Variants in CHCHD6 observed in about 807,000 individuals in gnomAD.
The protein encoded by CHCHD6 is MICOS complex subunit MIC25.
In CHCHD6, 28 loss-of-function variants were observed where a neutral mutation model predicts 32.3. That is an observed-to-expected ratio of 0.87 (90% CI 0.64 to 1.19). The LOEUF (loss-of-function observed/expected upper bound fraction) is 1.19. CHCHD6 is among the 50% of genes most tolerant of loss of function. CHCHD6 has a pLI of 0.00. For missense variants in CHCHD6, 333 were observed against 307.0 expected (o/e 1.08, Z -0.63); for synonymous variants, 122 against 117.5 (o/e 1.04, Z -0.25).
chr3:126,959,406 T>G (rs952716673), intron 7 of CHCHD6, among the ~76,000 whole-genome samples: 3 of 152,242 alleles, frequency 2.0e-5, no homozygotes, highest in Middle Eastern at 3.2e-3. Flanking sequence ...CCCAGGCACT[T>G]GGGTGGTGCC....
intron 1 of CHCHD6, among the ~76,000 whole-genome samples, chr3:126,711,841 T>TA (rs1264119320): frequency 6.6e-6 from 1 of 152,200 alleles, no homozygotes; most frequent in East Asian, 1.9e-4. Flanking sequence ...TCTGCTGCTT[T>TA]TCAATGAACA....
chr3:126,815,833 T>C (rs2107533776), intron 4 of CHCHD6, among the ~76,000 whole-genome samples: 1 of 152,308 alleles, frequency 6.6e-6, no homozygotes, highest in African/African-American at 2.4e-5. Flanking sequence ...TAGCTGTGCC[T>C]CTGCTGGCCT....
At chr3:126,854,940 G>A (rs1463478521) in intron 5 of CHCHD6, 1 of 152,224 alleles carries the variant, frequency 6.6e-6, no homozygotes, top group Non-Finnish European at 1.5e-5. Context: ...TACCTGTTGA[G>A]ACTGGCAGGT....
At chr3:126,915,678 G>T (rs948782208) in intron 6 of CHCHD6, among the ~76,000 whole-genome samples, 1 of 152,236 alleles carries the variant, frequency 6.6e-6, no homozygotes, top group Non-Finnish European at 1.5e-5. Flanking sequence ...TTGCATGATA[G>T]TTGTAAAAAC....
intron 6 of CHCHD6, among the ~76,000 whole-genome samples, chr3:126,935,824 A>G (rs761365761): frequency 2.0e-5 from 3 of 152,272 alleles, no homozygotes; most frequent in African/African-American, 7.2e-5. Flanking sequence ...AGCATAGCAA[A>G]TCTCTAACAT....
chr3:126,863,950 A>ACCTCCTCCTCCACCATCACCACCT (rs1942111196), intron 5 of CHCHD6, among the ~76,000 whole-genome samples: 2 of 86,840 alleles, frequency 2.3e-5, no homozygotes, highest in African/African-American at 4.8e-5. Context: ...CACCATCACC[A>ACCTCCTCCTCCACCATCACCACCT]CCTCCTCCTC....
At chr3:126,875,534 G>C (rs887401161) in intron 5 of CHCHD6, among the ~76,000 whole-genome samples, 1 of 152,242 alleles carries the variant, frequency 6.6e-6, no homozygotes, top group Non-Finnish European at 1.5e-5. Flanking sequence ...CAGGGGCAGA[G>C]GGGAAAGAGC....
Position 126,848,327 on chromosome 3 carries a change from TA to T in CHCHD6, c.412-4319del, listed in dbSNP as rs1161050403. Among the ~76,000 whole-genome samples, 9 of 152,338 alleles carry T rather than the reference TA, an allele frequency of 5.9e-5. No individual in the cohort carries two copies. The East Asian group carries it at 1.7e-3, about 29-fold the overall frequency. Reference sequence around the variant, plus strand: ...GTTGTTCTCAGCTTAGAGTTTGTCTTATCCATTTCATTTTTTATTTTGTAGA... The same window carrying T: ...GTTGTTCTCAGCTTAGAGTTTGTCTTTCCATTTCATTTTTTATTTTGTAGA... On this transcript the variant is annotated intron_variant, in intron 4 of 7. Transcript: ENST00000290913.
At chr3:126,861,626 C>T (rs950949807) in intron 5 of CHCHD6, among the ~76,000 whole-genome samples, 4 of 151,194 alleles carry the variant, frequency 2.6e-5, no homozygotes, top group East Asian at 2.0e-4. Context: ...TCCACCATCA[C>T]CTCCTCCTCT....
intron 6 of CHCHD6, among the ~76,000 whole-genome samples, chr3:126,929,503 A>T (rs146534535): frequency 1.3e-5 from 2 of 152,242 alleles, no homozygotes; most frequent in Non-Finnish European, 2.9e-5. Context: ...TCATTCTGGT[A>T]GATTCAGTTC....
chr3:126,790,751 C>A (rs1938489265), intron 4 of CHCHD6, among the ~76,000 whole-genome samples: 1 of 152,130 alleles, frequency 6.6e-6, no homozygotes, highest in African/African-American at 2.4e-5. Flanking sequence ...TTTTTAACTT[C>A]TTTGTGATGG....
At position 126,782,422 on chromosome 3, in the gene CHCHD6, G is replaced by A. The variant is rs567118140; in HGVS notation, c.411+49200G>A. On this transcript the variant is annotated intron_variant, in intron 4 of 7. Coordinates refer to ENST00000290913, the MANE Select transcript of CHCHD6 (RefSeq NM_032343.3). ...TTGACGGTTGAGTAAGGCCCAGGCC[G>A]ATGTCATACGCTTTAGAGAAAGGAG... Among the ~76,000 whole-genome samples, 9 of 152,342 alleles carry A rather than the reference G, an allele frequency of 5.9e-5. 1 individual carries two copies. In the South Asian group the frequency reaches 8.3e-4, roughly 14 times the overall value.
chr3:126,807,346 T>C (rs76139504), intron 4 of CHCHD6, among the ~76,000 whole-genome samples: 2,905 of 151,716 alleles, frequency 0.019, 97 homozygotes, highest in African/African-American at 0.066. Flanking sequence ...AGAGAAAATA[T>C]TGAATTCATA....
intron 4 of CHCHD6, among the ~76,000 whole-genome samples, chr3:126,795,938 T>C (rs1483119950): frequency 6.6e-6 from 1 of 152,218 alleles, no homozygotes; most frequent in Non-Finnish European, 1.5e-5. Context: ...AGGTAAGAGC[T>C]CACTCAGGTG....
intron 1 of CHCHD6, among the ~76,000 whole-genome samples, chr3:126,723,741 T>C (rs1162978226): frequency 6.6e-6 from 1 of 152,204 alleles, no homozygotes; most frequent in African/African-American, 2.4e-5. Context: ...CCCTATTTCC[T>C]CCGGTGTCAC....
At chr3:126,878,391 T>A (rs1192188321) in intron 5 of CHCHD6, among the ~76,000 whole-genome samples, 1 of 152,128 alleles carries the variant, frequency 6.6e-6, no homozygotes, top group South Asian at 2.1e-4. Flanking sequence ...TTTTATTTTA[T>A]GAAAAAGAAG....
intron 2 of CHCHD6, among the ~76,000 whole-genome samples, chr3:126,728,412 T>C (rs899135291): frequency 6.6e-6 from 1 of 152,116 alleles, no homozygotes; most frequent in Admixed American, 6.5e-5. Flanking sequence ...GGCGACAGGG[T>C]GCATCCCAGC....
chr3:126,759,985 G>A (rs955700335), intron 4 of CHCHD6, among the ~76,000 whole-genome samples: 1 of 152,146 alleles, frequency 6.6e-6, no homozygotes, highest in Non-Finnish European at 1.5e-5. Context: ...CTCACATGGT[G>A]AGAACAGGAG....
At chr3:126,924,133 C>G (rs1448881612) in intron 6 of CHCHD6, among the ~76,000 whole-genome samples, 1 of 152,160 alleles carries the variant, frequency 6.6e-6, no homozygotes. Flanking sequence ...ACGGTGTGCG[C>G]CGTGCATGCT....
Sources: gnomAD v4.1 joint callset for allele counts (sites outside exome capture counted in the v4.1 genomes callset) on GRCh38, gnomAD v4.1.1 for gene constraint, MANE v1.5 for transcripts, NCBI Gene and HGNC (gene_info 2026-07-23, HGNC 2026-07-21) for gene names.